Variants in HDAC1 observed in about 807,000 individuals in gnomAD.
HDAC1 encodes the protein protein deacetylase HDAC1.
HDAC1 carries 18 observed loss-of-function variants against 65.5 expected under a neutral mutation model. The observed-to-expected ratio is 0.27, with a 90% CI of 0.19 to 0.41. The LOEUF (loss-of-function observed/expected upper bound fraction) is 0.41, where lower values mean the gene tolerates loss of function less well. HDAC1 is among the 10% of genes least tolerant of loss of function. The pLI is 1.00. For synonymous variants in HDAC1, 211 were observed against 227.9 expected, an observed-to-expected ratio of 0.93 and a Z score of 0.67; for missense variants, 373 against 625.2, an observed-to-expected ratio of 0.60 and a Z score of 4.30.
At chr1:32,312,667 T>A (rs954003732) in intron 2 of HDAC1, among the ~76,000 whole-genome samples, 1 of 150,790 alleles carries the variant, frequency 6.6e-6, no homozygotes, top group African/African-American at 2.4e-5. Context: ...GGCTATGAAC[T>A]TTTTTTTGTT....
chr1:32,327,415 A>G lies in HDAC1; in HGVS notation c.495-121A>G. On this transcript the variant is annotated intron_variant, in intron 5 of 13. Transcript: ENST00000373548. This position sits in a 1 kb window ranked among gnomAD's most constrained non-coding sequence, Gnocchi z 6.0. ...TTCCACCTTCCTTCAGCCAGTTTCC[A>G]CGTCTCTGGTGCTTAGAGATACCTG... 1.3e-6 allele frequency: 1 copy of G among 783,250 alleles called. No homozygotes were observed. Among genetic ancestry groups the G allele is most frequent in the Non-Finnish European group, 2.2e-6 (1 of 462,958 alleles). The allele number at this position is 783,250 out of a possible 1,614,324, so 48.5% of individuals were successfully genotyped here.
intron 2 of HDAC1, among the ~76,000 whole-genome samples, chr1:32,307,311 A>AT (rs1429568783): frequency 6.6e-6 from 1 of 152,114 alleles, no homozygotes; most frequent in African/African-American, 2.4e-5. Context: ...TCAGCACAGG[A>AT]TTTTTTTCTT....
In HDAC1 at chr1:32,330,559, CCAGGA is replaced by C; in HGVS notation, c.730-18_730-14del. ...ATTGCTTTCTTGAGGTTGGTGGTGA[CCAGGA>C]TGTATCATTTTAGGTCATGTCCAAA... On this transcript the variant is annotated splice_polypyrimidine_tract_variant and intron_variant, in intron 7 of 13. Coordinates refer to ENST00000373548, the MANE Select transcript of HDAC1 (RefSeq NM_004964.3). The surrounding 1 kb of genome is among the most constrained non-coding windows in gnomAD (Gnocchi z 4.2). 1 of 1,565,278 alleles carries C rather than the reference CCAGGA, an allele frequency of 6.4e-7. No homozygotes were observed. The highest frequency in any genetic ancestry group is 1.1e-5 in the South Asian group (1 of 90,014).
In HDAC1 at chr1:32,333,083, A is replaced by G; in HGVS notation, c.*39A>G. On this transcript the variant is annotated 3_prime_UTR_variant, in exon 14 of 14. Coordinates refer to ENST00000373548, the MANE Select transcript of HDAC1 (RefSeq NM_004964.3). ...GCTCTGGCTTCCTGCTGAGTCCCTC[A>G]CGTTTCTTCCCCAACCCCTCAGATT... 6.4e-7 allele frequency: 1 copy of G among 1,572,332 alleles called. No homozygotes were observed. Among genetic ancestry groups the G allele is most frequent in the Non-Finnish European group, 8.7e-7 (1 of 1,143,288 alleles).
At chr1:32,296,821 A>G (rs1383659742) in intron 1 of HDAC1, among the ~76,000 whole-genome samples, 4 of 152,236 alleles carry the variant, frequency 2.6e-5, no homozygotes, top group African/African-American at 7.2e-5. Flanking sequence ...GAGGCTGAAG[A>G]TACAGGAAAG....
intron 1 of HDAC1, among the ~76,000 whole-genome samples, chr1:32,293,641 C>T (rs1446282140): frequency 2.0e-5 from 3 of 152,032 alleles, no homozygotes; most frequent in Admixed American, 1.3e-4. Flanking sequence ...CGGTGGCTCA[C>T]GCCTGTAATC....
At chr1:32,301,536 G>A (rs559544157) in intron 1 of HDAC1, among the ~76,000 whole-genome samples, 16 of 152,284 alleles carry the variant, frequency 1.1e-4, no homozygotes, top group Admixed American at 5.2e-4. Context: ...TTGGGAGGCC[G>A]AGGTGAGTGG....
intron 2 of HDAC1, among the ~76,000 whole-genome samples, chr1:32,310,665 C>T (rs1640977762): frequency 6.6e-6 from 1 of 152,070 alleles, no homozygotes; most frequent in Non-Finnish European, 1.5e-5. Context: ...GCCTGGCCAA[C>T]ATGGTGAAAC....
At chr1:32,314,930 A>T (rs527358131) in intron 2 of HDAC1, among the ~76,000 whole-genome samples, 29 of 152,304 alleles carry the variant, frequency 1.9e-4, no homozygotes, top group African/African-American at 6.7e-4. Context: ...TGTGACAGAA[A>T]TATGCTGTAG....
chr1:32,332,292 T>C, intron 12 of HDAC1, 50 bp downstream of exon 12: 1 of 1,554,142 alleles, frequency 6.4e-7, no homozygotes, highest in Non-Finnish European at 8.8e-7. Context: ...AGAGGATGAA[T>C]CTATGTAGGG....
rs759545034 is a variant in HDAC1, at chr1:32,331,966, T to C, written c.1220-124T>C. The C allele has an allele frequency of 4.3e-6, 6 of 1,389,744 alleles. No individual in the cohort carries two copies. Among genetic ancestry groups the C allele is most frequent in the Non-Finnish European group, 5.8e-6 (6 of 1,035,362 alleles). 86.1% of individuals were successfully genotyped at this position (1,389,744 alleles called of 1,614,324 possible). On this transcript the variant is annotated intron_variant, in intron 11 of 13. Transcript: ENST00000373548. This position sits in a 1 kb window ranked among gnomAD's most constrained non-coding sequence, Gnocchi z 4.2. Reference sequence around the variant, plus strand: ...GAACAGGTTAGGGAGCCCGAGTTCCTCCCTCTTCTGGTTCCCTTTCCCTTG... The same window carrying C: ...GAACAGGTTAGGGAGCCCGAGTTCCCCCCTCTTCTGGTTCCCTTTCCCTTG...
At position 32,324,562 on chromosome 1, in the gene HDAC1, T is replaced by C. The variant is rs889187134; in HGVS notation, c.355+9T>C. On this transcript the variant is annotated intron_variant, in intron 4 of 13. Transcript: ENST00000373548. ...TACTGGTGGTTCTGTGGGTAAGGAA[T>C]ATTCATCTTCTCCCCAGGGGTAGAC... The C allele has an allele frequency of 1.3e-6, 2 of 1,589,966 alleles. No homozygotes were observed. The highest frequency in any genetic ancestry group is 8.6e-7 in the Non-Finnish European group (1 of 1,157,940).
chr1:32,298,410 C>A (rs1640801752), intron 1 of HDAC1, among the ~76,000 whole-genome samples: 1 of 150,802 alleles, frequency 6.6e-6, no homozygotes, highest in Non-Finnish European at 1.5e-5. Context: ...TTAGTAGAGA[C>A]GGGTTTCACC....
chr1:32,293,850 C>G (rs1280338551), intron 1 of HDAC1, among the ~76,000 whole-genome samples: 1 of 143,122 alleles, frequency 7.0e-6, no homozygotes, highest in Non-Finnish European at 1.5e-5. Context: ...TGCAGTGAGC[C>G]AAGATTGCAC....
chr1:32,308,616 TCATGC>T (rs1471506953), intron 2 of HDAC1, among the ~76,000 whole-genome samples: 1 of 152,060 alleles, frequency 6.6e-6, no homozygotes, highest in Non-Finnish European at 1.5e-5. Flanking sequence ...CCTCTTGGGT[TCATGC>T]CATTCTCCTG....
intron 2 of HDAC1, among the ~76,000 whole-genome samples, chr1:32,309,050 A>G (rs1205994098): frequency 6.6e-6 from 1 of 152,070 alleles, no homozygotes; most frequent in East Asian, 1.9e-4. Context: ...GGGCCCAAGC[A>G]GTCTGCCCCC....
chr1:32,325,753 C>T (rs188027243), intron 4 of HDAC1, among the ~76,000 whole-genome samples: 121 of 152,202 alleles, frequency 7.9e-4, no homozygotes, highest in Non-Finnish European at 1.2e-3. Context: ...CAGCTGGACA[C>T]GGTGGCACAT....
chr1:32,307,302 C>T (rs549974003), intron 2 of HDAC1, among the ~76,000 whole-genome samples: 2 of 152,244 alleles, frequency 1.3e-5, no homozygotes, highest in African/African-American at 4.8e-5. Flanking sequence ...TTAGCGACTT[C>T]AGCACAGGAT....
At chr1:32,317,506 T>C (rs963275042) in intron 3 of HDAC1, among the ~76,000 whole-genome samples, 3 of 152,232 alleles carry the variant, frequency 2.0e-5, no homozygotes, top group Non-Finnish European at 4.4e-5. Flanking sequence ...GATTAACTTA[T>C]GACAGCTTAT....
Sources: allele counts gnomAD v4.1 joint callset (sites outside exome capture counted in the v4.1 genomes callset), GRCh38; gene constraint gnomAD v4.1.1; non-coding constraint Gnocchi (gnomAD v3.1); transcripts MANE v1.5; gene names NCBI Gene and HGNC (gene_info 2026-07-23, HGNC 2026-07-21).